Variants in PRKG1 observed in about 807,000 individuals in gnomAD.
PRKG1 encodes cGMP-dependent protein kinase 1.
PRKG1 carries 35 observed loss-of-function variants against 88.1 expected under a neutral mutation model. The ratio of observed to expected loss-of-function variants is 0.40; its 90% confidence interval spans 0.30 to 0.53. The LOEUF (loss-of-function observed/expected upper bound fraction) is 0.53, where lower values mean the gene tolerates loss of function less well. Among genes scored for constraint, PRKG1 ranks in the 20% least tolerant of loss-of-function variants. The pLI is 0.59. For missense variants in PRKG1, 540 were observed against 839.8 expected (o/e 0.64, Z 4.41); for synonymous variants, 303 against 292.5 (o/e 1.04, Z -0.37).
chr10:51,062,015 A>G (rs1843697505), intron 1 of PRKG1, among the ~76,000 whole-genome samples: 1 of 152,010 alleles, frequency 6.6e-6, no homozygotes, highest in African/African-American at 2.4e-5. Context: ...ATTGTTTTTT[A>G]TTGAATCCCA....
At chr10:51,727,830 A>G (rs1050979345) in intron 3 of PRKG1, among the ~76,000 whole-genome samples, 6 of 152,204 alleles carry the variant, frequency 3.9e-5, no homozygotes, top group Admixed American at 2.0e-4. Flanking sequence ...ATTGAAGTCT[A>G]AAAGAGTATT....
chr10:51,800,407 C>T (rs1051041940), intron 3 of PRKG1, among the ~76,000 whole-genome samples: 1 of 152,102 alleles, frequency 6.6e-6, no homozygotes, highest in South Asian at 2.1e-4. Flanking sequence ...ACCTACCAAA[C>T]ATCATAGCTT....
intron 7 of PRKG1, among the ~76,000 whole-genome samples, chr10:52,076,615 G>C (rs781600334): frequency 4.6e-5 from 7 of 152,114 alleles, no homozygotes; most frequent in Non-Finnish European, 7.4e-5. Flanking sequence ...TCTGTTTTTT[G>C]ACAAACACTA....
chr10:52,100,793 A>G (rs1262044196), intron 7 of PRKG1, among the ~76,000 whole-genome samples: 1 of 152,128 alleles, frequency 6.6e-6, no homozygotes. Flanking sequence ...ATTTTTTCCA[A>G]CCTCTTATTT....
chr10:51,302,699 T>A (rs1161463171), intron 2 of PRKG1: 1 of 152,104 alleles, frequency 6.6e-6, no homozygotes. Context: ...TGAGTAACAT[T>A]TGAGATGTAC....
At chr10:51,324,174 A>G (rs996912448) in intron 2 of PRKG1, among the ~76,000 whole-genome samples, 1 of 152,194 alleles carries the variant, frequency 6.6e-6, no homozygotes, top group African/African-American at 2.4e-5. Context: ...ATAAAATACT[A>G]TACTATTGAA....
intron 3 of PRKG1, among the ~76,000 whole-genome samples, chr10:51,519,668 A>G (rs776199742): frequency 1.3e-5 from 2 of 152,114 alleles, no homozygotes; most frequent in African/African-American, 2.4e-5. Context: ...CTCATTATAT[A>G]TTTTCTAAAT....
At chr10:52,128,251 T>G in intron 7 of PRKG1, 1 of 985,436 alleles carries the variant, frequency 1.0e-6, no homozygotes, top group Non-Finnish European at 1.2e-6. Flanking sequence ...GTGCTGGGAC[T>G]CTGTGGACAG....
chr10:52,199,604 C>T (rs956735649), intron 9 of PRKG1, among the ~76,000 whole-genome samples: 7 of 152,154 alleles, frequency 4.6e-5, no homozygotes, highest in African/African-American at 1.4e-4. Flanking sequence ...ATAAGAGGTT[C>T]AGCTTTGCCG....
chr10:51,935,344 T>C (rs1269839585), intron 5 of PRKG1, among the ~76,000 whole-genome samples: 1 of 152,146 alleles, frequency 6.6e-6, no homozygotes, highest in Non-Finnish European at 1.5e-5. Flanking sequence ...TATTAAACTG[T>C]TAAATTTTCT....
At position 51,695,141 on chromosome 10, in the gene PRKG1, A is replaced by C. The variant is rs540444440; in HGVS notation, c.593-109444A>C. 1.5e-3 allele frequency among the ~76,000 whole-genome samples: 228 copies of C among 152,278 alleles called. 1 individual carries two copies. Among genetic ancestry groups the C allele is most frequent in the African/African-American group, 5.3e-3 (219 of 41,556 alleles). On this transcript the variant is annotated intron_variant, in intron 3 of 17. Transcript: ENST00000373980. Reference sequence around the variant, plus strand: ...GCTGTCCCTGTGTTCAGTTTGTGGAAGTGGACGTAAAAAGTGCACTGCAAT... The same window carrying C: ...GCTGTCCCTGTGTTCAGTTTGTGGACGTGGACGTAAAAAGTGCACTGCAAT...
At chr10:52,072,158 C>CTTTTTTTTTTTTTTTTTTTTTTTT (rs60576406) in intron 7 of PRKG1, among the ~76,000 whole-genome samples, 6 of 39,556 alleles carry the variant, frequency 1.5e-4, no homozygotes, top group African/African-American at 2.2e-4. Context: ...TATTGTTTTG[C>CTTTTTTTTTTTTTTTTTTTTTTTT]TTTTTTTTTT....
At chr10:51,085,639 G>T (rs904680722) in intron 1 of PRKG1, among the ~76,000 whole-genome samples, 2 of 151,840 alleles carry the variant, frequency 1.3e-5, no homozygotes, top group Admixed American at 1.3e-4. Context: ...TCGATTCAGT[G>T]AGTTCCTCTC....
At chr10:52,108,769 A>G (rs147851078) in intron 7 of PRKG1, among the ~76,000 whole-genome samples, 48 of 151,568 alleles carry the variant, frequency 3.2e-4, no homozygotes, top group Middle Eastern at 3.5e-3. Flanking sequence ...AGCTATTGCG[A>G]TGATACTAAA....
intron 5 of PRKG1, among the ~76,000 whole-genome samples, chr10:51,977,052 A>T (rs137888074): frequency 1.3e-5 from 2 of 151,884 alleles, no homozygotes; most frequent in Non-Finnish European, 2.9e-5. Context: ...TATTGTACAG[A>T]TTATTTTATC....
chr10:51,104,620 A>G (rs1203110821), intron 1 of PRKG1, among the ~76,000 whole-genome samples: 1 of 152,072 alleles, frequency 6.6e-6, no homozygotes, highest in Non-Finnish European at 1.5e-5. Context: ...CCTAGGTTCA[A>G]GTGATTCTTG....
At chr10:52,038,515 TG>T (rs1845674641) in intron 5 of PRKG1, among the ~76,000 whole-genome samples, 1 of 151,874 alleles carries the variant, frequency 6.6e-6, no homozygotes, top group Admixed American at 6.6e-5. Context: ...TTGGGGTACT[TG>T]CCCATCCTCT....
intron 2 of PRKG1, among the ~76,000 whole-genome samples, chr10:51,405,169 T>C (rs293238): frequency 0.066 from 10,044 of 152,254 alleles, 509 homozygotes; most frequent in African/African-American, 0.14. Context: ...TTCTAAATAG[T>C]GGTGGCACAT....
At chr10:51,070,353 C>A (rs1316134528), upstream of PRKG1, among the ~76,000 whole-genome samples, 1 of 152,128 alleles carries the variant, frequency 6.6e-6, no homozygotes, top group Non-Finnish European at 1.5e-5. Context: ...CAACTTAGAA[C>A]AGACCGTCAT....
Sources: allele counts gnomAD v4.1 joint callset (sites outside exome capture counted in the v4.1 genomes callset), GRCh38; gene constraint gnomAD v4.1.1; transcripts MANE v1.5; gene names NCBI Gene and HGNC (gene_info 2026-07-23, HGNC 2026-07-21).